MYOM1: variants seen among roughly 807,000 people sequenced by gnomAD.
MYOM1 encodes myomesin-1.
In MYOM1, 164 loss-of-function variants were observed where a neutral mutation model predicts 205.3. The observed-to-expected ratio is 0.80, with a 90% CI of 0.70 to 0.91. The LOEUF (loss-of-function observed/expected upper bound fraction) is 0.91. Among genes scored for constraint, MYOM1 ranks in the 40% least tolerant of loss-of-function variants. The probability of loss-of-function intolerance (pLI) is 0.00; values close to 1 mark genes in which losing one functional copy is unlikely to be tolerated. For missense variants in MYOM1, 2,011 were observed against 2,127.3 expected (o/e 0.95, Z 1.08); for synonymous variants, 772 against 789.4 (o/e 0.98, Z 0.37).
rs2080268112 is a variant in MYOM1, at chr18:3,154,669, T to C, written c.1643+278A>G. ...CACACACATTTATAATGGGTATATA[T>C]ACCCATTTTATATATATATGTAGGT... On this transcript the variant is annotated intron_variant, in intron 11 of 37. Coordinates refer to ENST00000356443, the MANE Select transcript of MYOM1 (RefSeq NM_003803.4). 2.0e-5 allele frequency among the ~76,000 whole-genome samples: 3 copies of C among 151,650 alleles called. No individual in the cohort carries two copies. In the South Asian group the frequency reaches 6.3e-4, roughly 32 times the overall value.
intron 13 of MYOM1, among the ~76,000 whole-genome samples, chr18:3,147,065 A>ATATATAT (rs1471733969): frequency 1.7e-4 from 25 of 146,304 alleles, no homozygotes; most frequent in African/African-American, 6.2e-4. Context: ...ATATATAAAT[A>ATATATAT]TATATCTTAT....
intron 5 of MYOM1, among the ~76,000 whole-genome samples, chr18:3,186,739 A>G (rs988181292): frequency 1.3e-5 from 2 of 151,536 alleles, no homozygotes; most frequent in African/African-American, 4.8e-5. Flanking sequence ...GAAAGGAAGA[A>G]AGAAAGAGAG....
intron 37 of MYOM1, among the ~76,000 whole-genome samples, chr18:3,071,155 A>G (rs752416802): frequency 1.2e-4 from 18 of 152,144 alleles, no homozygotes; most frequent in Admixed American, 3.3e-4. Flanking sequence ...ACAGAACTAG[A>G]GCCTATAGAA....
At chr18:3,154,614 A>AAC (rs1156408765) in intron 11 of MYOM1, among the ~76,000 whole-genome samples, 5 of 78,650 alleles carry the variant, frequency 6.4e-5, no homozygotes, top group Non-Finnish European at 1.2e-4. Flanking sequence ...GTACCTACTC[A>AAC]ATACACACAC....
intron 2 of MYOM1, among the ~76,000 whole-genome samples, chr18:3,199,623 C>T (rs2081040445): frequency 6.6e-6 from 1 of 152,118 alleles, no homozygotes; most frequent in Non-Finnish European, 1.5e-5. Context: ...GGGTGGATCA[C>T]GAGGTCAAGA....
the MYOM1 span, among the ~76,000 whole-genome samples, chr18:3,227,983 G>T: frequency 6.6e-6 from 1 of 152,126 alleles, no homozygotes; most frequent in South Asian, 2.1e-4. Context: ...AAGGAACGCA[G>T]GAGTCAGAGA....
chr18:3,125,095 G>GA (rs1480968124), intron 19 of MYOM1, among the ~76,000 whole-genome samples: 1 of 152,218 alleles, frequency 6.6e-6, no homozygotes, highest in Non-Finnish European at 1.5e-5. Flanking sequence ...TGTCAAAGCT[G>GA]AAAATGTGTG....
At chr18:3,122,361 A>G (rs2079708132) in intron 19 of MYOM1, among the ~76,000 whole-genome samples, 1 of 152,154 alleles carries the variant, frequency 6.6e-6, no homozygotes, top group Non-Finnish European at 1.5e-5. Flanking sequence ...CCCCACCCCA[A>G]AACCCTAGTG....
chr18:3,109,886 A>G lies in MYOM1; in HGVS notation c.3418+2412T>C, dbSNP rs552314313. Among the ~76,000 whole-genome samples, 3 of 152,180 alleles carry G rather than the reference A, an allele frequency of 2.0e-5. No individual in the cohort carries two copies. The South Asian group carries it at 6.2e-4, about 32-fold the overall frequency. The stretch of plus-strand genomic sequence containing the variant: ...AGTGATCCTCCTATCTGGACTCCCA[A>G]AGTGTTGGGATTACAGGGCCAAGAC... On this transcript the variant is annotated intron_variant, in intron 22 of 37. Coordinates refer to ENST00000356443, the MANE Select transcript of MYOM1 (RefSeq NM_003803.4).
At position 3,187,527 on chromosome 18, in the gene MYOM1, T is replaced by TA. The variant is rs2080834815; in HGVS notation, c.881dup (p.Leu296IlefsTer17). On this transcript the variant is annotated frameshift_variant, in exon 5 of 38. Coordinates refer to ENST00000356443, the MANE Select transcript of MYOM1 (RefSeq NM_003803.4). LOFTEE classifies it high-confidence loss of function. Reference sequence around the variant, plus strand: ...AGCCTGCTATGGAGCAATGCAATTTTACATTCTCCTTCTCCCAAACCGTGT... The same window carrying TA: ...AGCCTGCTATGGAGCAATGCAATTTTAACATTCTCCTTCTCCCAAACCGTGT... 28 of 1,613,952 alleles carry TA rather than the reference T, an allele frequency of 1.7e-5. No individual in the cohort carries two copies. Among genetic ancestry groups the TA allele is most frequent in the Non-Finnish European group, 2.1e-5 (25 of 1,179,846 alleles).
At chr18:3,199,424 G>A (rs2081037056) in intron 2 of MYOM1, among the ~76,000 whole-genome samples, 1 of 152,216 alleles carries the variant, frequency 6.6e-6, no homozygotes, top group Non-Finnish European at 1.5e-5. Context: ...ATACATATAT[G>A]TGTGGGAAAA....
At chr18:3,227,698 A>C in the MYOM1 span, among the ~76,000 whole-genome samples, 10 of 152,260 alleles carry the variant, frequency 6.6e-5, no homozygotes, top group South Asian at 2.1e-3. Flanking sequence ...AGGCACCTGT[A>C]ATCCCAGCTA....
At position 3,083,577 on chromosome 18, in the gene MYOM1, T is replaced by C. The variant is rs61205059; in HGVS notation, c.4484+212A>G. Among the ~76,000 whole-genome samples the C allele has an allele frequency of 0.045, 6,760 of 148,674 alleles. 509 individuals carry two copies. The highest frequency in any genetic ancestry group is 0.16 in the African/African-American group (6,295 of 40,150). On this transcript the variant is annotated intron_variant, in intron 33 of 37. Transcript: ENST00000356443. The stretch of plus-strand genomic sequence containing the variant: ...CCCAGTAGCTCAGATTACAGGTGTC[T>C]GCCACTGCGCCCAGCTCATTTTTTT...
chr18:3,107,689 AG>A (rs2079469529), intron 22 of MYOM1, among the ~76,000 whole-genome samples: 1 of 152,212 alleles, frequency 6.6e-6, no homozygotes, highest in African/African-American at 2.4e-5. Flanking sequence ...AAGAGGTGAG[AG>A]GAAACAAAAT....
intron 2 of MYOM1, among the ~76,000 whole-genome samples, chr18:3,200,361 G>T (rs2081050032): frequency 6.6e-6 from 1 of 152,098 alleles, no homozygotes; most frequent in Non-Finnish European, 1.5e-5. Flanking sequence ...CACACCAATG[G>T]GAAAATAGTA....
At chr18:3,117,860 C>T (rs1480766579) in intron 20 of MYOM1, among the ~76,000 whole-genome samples, 2 of 152,122 alleles carry the variant, frequency 1.3e-5, no homozygotes, top group Admixed American at 6.5e-5. Flanking sequence ...GCTTGCCTTC[C>T]GATGTTTTGT....
Position 3,193,668 on chromosome 18 carries a change from T to G in MYOM1, c.431+150A>C, listed in dbSNP as rs2080951311. ...AGTAAGTGCTTAATAAAAGGTTAGCTGCTTTTACTATAATCTAACAAGTGC... is the reference window on the plus strand; with the variant it reads ...AGTAAGTGCTTAATAAAAGGTTAGCGGCTTTTACTATAATCTAACAAGTGC... On this transcript the variant is annotated intron_variant, in intron 3 of 37. Transcript: ENST00000356443. 3 of 829,108 alleles carry G rather than the reference T, an allele frequency of 3.6e-6. No individual in the cohort carries two copies. The Admixed American group carries it at 9.6e-5, about 27-fold the overall frequency. The allele number at this position is 829,108 out of a possible 1,614,324, so 51.4% of individuals were successfully genotyped here. A position where few individuals can be genotyped will look rare whatever the true frequency, so the allele number is the denominator to read the frequency against.
At chr18:3,226,620 G>A in the MYOM1 span, among the ~76,000 whole-genome samples, 4 of 152,116 alleles carry the variant, frequency 2.6e-5, no homozygotes, top group Non-Finnish European at 4.4e-5. The surrounding 1 kb of genome is among the most constrained non-coding windows in gnomAD (Gnocchi z 4.6). Context: ...CTCCTTCCGG[G>A]AGACTTCCCT....
intron 36 of MYOM1, 112 bp downstream of exon 36, chr18:3,075,342 A>C: frequency 9.5e-7 from 1 of 1,051,612 alleles, no homozygotes; most frequent in Admixed American, 2.3e-5. Context: ...GATTTAAAAA[A>C]GAAAAAAACC....
Sources: gnomAD v4.1 joint callset for allele counts (sites outside exome capture counted in the v4.1 genomes callset) on GRCh38, gnomAD v4.1.1 for gene constraint, Gnocchi (gnomAD v3.1) non-coding constraint, MANE v1.5 for transcripts, NCBI Gene and HGNC (gene_info 2026-07-23, HGNC 2026-07-21) for gene names.